The following PHF24 variants were observed in gnomAD, a reference collection of about 807,000 sequenced individuals.
PHF24 encodes the protein PHD finger protein 24.
A neutral mutation model predicts 42.6 loss-of-function variants in PHF24; 25 were observed. The ratio of observed to expected loss-of-function variants is 0.59; its 90% confidence interval spans 0.43 to 0.82. The LOEUF (loss-of-function observed/expected upper bound fraction) is 0.82, where lower values mean the gene tolerates loss of function less well. PHF24 is among the 40% of genes least tolerant of loss of function. The probability of loss-of-function intolerance (pLI) is 0.00; values close to 1 mark genes in which losing one functional copy is unlikely to be tolerated. For synonymous variants in PHF24, 185 were observed against 204.8 expected (o/e 0.90, Z 0.83); for missense variants, 470 against 538.1 (o/e 0.87, Z 1.25).
chr9:34,906,930 G>A, the PHF24 span, among the ~76,000 whole-genome samples: 1 of 152,160 alleles, frequency 6.6e-6, no homozygotes, highest in African/African-American at 2.4e-5. Context: ...CTGTTGTCCA[G>A]GCTAGAGTGC....
At chr9:34,674,083 T>C in the PHF24 span, among the ~76,000 whole-genome samples, 1 of 152,222 alleles carries the variant, frequency 6.6e-6, no homozygotes, top group African/African-American at 2.4e-5. Context: ...ATAACAAATT[T>C]AACTTTTTGC....
chr9:34,723,042 C>CA, the PHF24 span: 1 of 727,302 alleles, frequency 1.4e-6, no homozygotes, highest in Non-Finnish European at 2.2e-6. Context: ...AAGGAGCAGA[C>CA]AGACAATGTA....
chr9:34,953,635 C>T (rs546154049), upstream of PHF24, among the ~76,000 whole-genome samples: 42 of 152,104 alleles, frequency 2.8e-4, no homozygotes, highest in Admixed American at 7.9e-4. This position sits in a 1 kb window ranked among gnomAD's most constrained non-coding sequence, Gnocchi z 4.1. Context: ...TTTGGTGACT[C>T]TATTTCAACC....
At chr9:34,826,445 A>G in the PHF24 span, among the ~76,000 whole-genome samples, 5 of 152,208 alleles carry the variant, frequency 3.3e-5, no homozygotes, top group Non-Finnish European at 7.3e-5. Context: ...CTGGTTAAGC[A>G]GCAGAGGCCC....
At chr9:34,887,184 G>A in the PHF24 span, among the ~76,000 whole-genome samples, 112,950 of 151,910 alleles carry the variant, frequency 0.74, 42,400 homozygotes, top group Non-Finnish European at 0.79. Context: ...TACCTTCAAA[G>A]TGAACCCAGC....
chr9:34,981,987 C>A (rs1001957571), exon 8 of PHF24: 1 of 152,004 alleles, frequency 6.6e-6, no homozygotes, highest in Admixed American at 6.6e-5. Context: ...TTTTTGGCAA[C>A]CTTGGAAAGA....
the PHF24 span, among the ~76,000 whole-genome samples, chr9:34,675,741 C>T: frequency 0.012 from 1,779 of 152,234 alleles, 32 homozygotes; most frequent in African/African-American, 0.04. Flanking sequence ...GGTGCCTGGG[C>T]CTGGGCTGAG....
the PHF24 span, among the ~76,000 whole-genome samples, chr9:34,733,488 A>T: frequency 6.7e-6 from 1 of 149,478 alleles, no homozygotes; most frequent in Admixed American, 6.6e-5. Context: ...CTTTTATTTT[A>T]TGGCTTCTGT....
the PHF24 span, among the ~76,000 whole-genome samples, chr9:34,896,007 T>C: frequency 2.0e-5 from 3 of 152,208 alleles, no homozygotes; most frequent in Non-Finnish European, 4.4e-5. Context: ...GGGCAACATG[T>C]ACCTTTTCAT....
chr9:34,690,958 G>A, the PHF24 span: 32 of 755,044 alleles, frequency 4.2e-5, no homozygotes, highest in South Asian at 1.4e-4. Flanking sequence ...CAGGCTCACC[G>A]AAATATACAG....
chr9:34,820,163 T>TTA, the PHF24 span, among the ~76,000 whole-genome samples: 4 of 149,914 alleles, frequency 2.7e-5, no homozygotes, highest in East Asian at 1.9e-4. Flanking sequence ...AATGTATATA[T>TTA]TATATATATC....
the PHF24 span, among the ~76,000 whole-genome samples, chr9:34,719,586 A>T: frequency 6.6e-6 from 1 of 152,178 alleles, no homozygotes; most frequent in Admixed American, 6.5e-5. Flanking sequence ...CAGTTCTGTC[A>T]TGGGACTTTA....
the PHF24 span, among the ~76,000 whole-genome samples, chr9:34,842,918 A>G: frequency 1.2e-4 from 18 of 152,150 alleles, no homozygotes; most frequent in African/African-American, 4.3e-4. Context: ...CCATTCTAAT[A>G]TATGTGTAAT....
At chr9:34,953,792 A>C (rs558413405), upstream of PHF24, among the ~76,000 whole-genome samples, 174 of 152,076 alleles carry the variant, frequency 1.1e-3, no homozygotes, top group Non-Finnish European at 2.2e-3. This position sits in a 1 kb window ranked among gnomAD's most constrained non-coding sequence, Gnocchi z 4.1. Context: ...AAAAATATAT[A>C]TATGTTTTTT....
chr9:34,896,723 C>G, the PHF24 span, among the ~76,000 whole-genome samples: 51 of 152,284 alleles, frequency 3.3e-4, no homozygotes, highest in Non-Finnish European at 6.6e-4. Context: ...ATCTACCACT[C>G]CTTTGCCCAC....
At chr9:34,669,680 A>G in the PHF24 span, among the ~76,000 whole-genome samples, 1 of 152,010 alleles carries the variant, frequency 6.6e-6, no homozygotes, top group African/African-American at 2.4e-5. Flanking sequence ...ATGGCCCCCT[A>G]AAACTTTCAT....
the PHF24 span, chr9:34,728,111 G>A: frequency 5.8e-6 from 9 of 1,546,960 alleles, no homozygotes; most frequent in South Asian, 8.4e-5. Context: ...GTGTTATATG[G>A]CATGGGATAA....
At chr9:34,817,295 A>G in the PHF24 span, among the ~76,000 whole-genome samples, 2 of 151,870 alleles carry the variant, frequency 1.3e-5, no homozygotes, top group African/African-American at 4.8e-5. Context: ...CCCAGGCTGG[A>G]GTGTAGTGGC....
chr9:34,958,876 G>A lies in PHF24; in HGVS notation c.-5+475G>A, dbSNP rs1826489319. The stretch of plus-strand genomic sequence containing the variant: ...CTGTGGGAAGCAACCTCTGACTGGG[G>A]AGGGGGATCCTCCCATGGGATCCAT... On this transcript the variant is annotated intron_variant, in intron 1 of 7. Transcript: ENST00000242315. This position sits in a 1 kb window ranked among gnomAD's most constrained non-coding sequence, Gnocchi z 4.5. 1.3e-5 allele frequency among the ~76,000 whole-genome samples: 2 copies of A among 152,180 alleles called. No individual in the cohort carries two copies. The highest frequency in any genetic ancestry group is 1.3e-4 in the Admixed American group (2 of 15,288).
Sources: gnomAD v4.1 joint callset for allele counts (sites outside exome capture counted in the v4.1 genomes callset) on GRCh38, gnomAD v4.1.1 for gene constraint, Gnocchi (gnomAD v3.1) non-coding constraint, MANE v1.5 for transcripts, NCBI Gene and HGNC (gene_info 2026-07-23, HGNC 2026-07-21) for gene names.